Variants in TMEM14A observed in about 807,000 individuals in gnomAD.
The protein encoded by TMEM14A is transmembrane protein 14A.
In TMEM14A, 8 loss-of-function variants were observed where a neutral mutation model predicts 11.6. The ratio of observed to expected loss-of-function variants is 0.69; its 90% CI spans 0.40 to 1.24. The LOEUF is 1.24. TMEM14A is among the 50% of genes most tolerant of loss of function. The probability of loss-of-function intolerance (pLI) is 0.01; values close to 1 mark genes in which losing one functional copy is unlikely to be tolerated. For missense variants in TMEM14A, 108 were observed against 121.9 expected (o/e 0.89, Z 0.54); for synonymous variants, 34 against 45.5 (o/e 0.75, Z 1.02).
intron 1 of TMEM14A, among the ~76,000 whole-genome samples, chr6:52,676,120 A>G (rs1769253263): frequency 6.6e-6 from 1 of 152,182 alleles, no homozygotes; most frequent in African/African-American, 2.4e-5. Flanking sequence ...GGTAAGTGGA[A>G]AGAATTGAAC....
chr6:52,674,535 A>T (rs1769219297), intron 1 of TMEM14A, among the ~76,000 whole-genome samples: 1 of 152,208 alleles, frequency 6.6e-6, no homozygotes, highest in Non-Finnish European at 1.5e-5. Flanking sequence ...TGTGGTCATG[A>T]TTACATGAGT....
chr6:52,680,878 G>A, intron 2 of TMEM14A, among the ~76,000 whole-genome samples: 1 of 149,648 alleles, frequency 6.7e-6, no homozygotes. Flanking sequence ...TGTGTGTTGT[G>A]TGTGTGTGTT....
chr6:52,685,273 G>C (rs534183021), intron 4 of TMEM14A, among the ~76,000 whole-genome samples: 1 of 152,276 alleles, frequency 6.6e-6, no homozygotes, highest in Admixed American at 6.5e-5. Flanking sequence ...TTCTAAAAGT[G>C]ATACTTGGTG....
Position 52,686,013 on chromosome 6 carries a change from C to T in TMEM14A, c.264C>T (p.Leu88=). Residue 88 remains leucine (L), a synonymous_variant, in exon 5 of 5, where the codon CTC becomes CTT. Coordinates refer to ENST00000211314, the MANE Select transcript of TMEM14A (RefSeq NM_014051.4). ...CTTTGTTTTATTTTAAATCCAGCCTCATGATGATCCTGAGACTTGTCTTGT... is the reference window on the plus strand; with the variant it reads ...CTTTGTTTTATTTTAAATCCAGCCTTATGATGATCCTGAGACTTGTCTTGT... The part of the protein sequence containing the change: ...MPAGLVAGLS[L]MMILRLVLLL... 6.2e-7 allele frequency: 1 copy of T among 1,610,826 alleles called. No individual in the cohort carries two copies. Among genetic ancestry groups the T allele is most frequent in the Non-Finnish European group, 8.5e-7 (1 of 1,178,712 alleles).
intron 4 of TMEM14A, among the ~76,000 whole-genome samples, chr6:52,685,410 A>G (rs1409321973): frequency 1.3e-5 from 2 of 152,104 alleles, no homozygotes; most frequent in Non-Finnish European, 2.9e-5. Flanking sequence ...CCTAGCCAAC[A>G]TGGCAAAACC....
intron 4 of TMEM14A, 88 bp from the exon 5 acceptor site, chr6:52,685,922 A>G (rs1581747533): frequency 1.6e-6 from 2 of 1,254,388 alleles, no homozygotes; most frequent in East Asian, 2.5e-5. Context: ...GATTAGTAAC[A>G]CTACTGGGTA....
At chr6:52,678,617 A>C (rs1168178065) in intron 2 of TMEM14A, among the ~76,000 whole-genome samples, 2 of 152,152 alleles carry the variant, frequency 1.3e-5, no homozygotes, top group Non-Finnish European at 2.9e-5. Flanking sequence ...CCACAGAATC[A>C]AGCATTCCTG....
intron 3 of TMEM14A, among the ~76,000 whole-genome samples, chr6:52,682,383 T>G (rs1769406512): frequency 6.6e-6 from 1 of 152,144 alleles, no homozygotes; most frequent in African/African-American, 2.4e-5. Context: ...TGGGAGAATA[T>G]CCACAGAAAA....
At chr6:52,680,691 G>GTGTGTATATATATATA (rs758417981) in intron 2 of TMEM14A, among the ~76,000 whole-genome samples, 3 of 35,312 alleles carry the variant, frequency 8.5e-5, no homozygotes, top group Non-Finnish European at 1.4e-4. Flanking sequence ...ATACATATAT[G>GTGTGTATATATATATA]TATATATATA....
rs370142569 is a variant in TMEM14A at position 52,677,114 on chromosome 6, C to T, written c.12C>T (p.Ile4=). 2.2e-5 allele frequency: 35 copies of T among 1,614,006 alleles called. No homozygotes were observed. The highest frequency in any genetic ancestry group is 1.5e-4 in the South Asian group (14 of 91,080). Residue 4 remains isoleucine, a synonymous_variant, in exon 2 of 5, where the codon ATC becomes ATT. Coordinates refer to ENST00000211314, the MANE Select transcript of TMEM14A (RefSeq NM_014051.4). MDL[I]GFGYAALVTF... The stretch of plus-strand genomic sequence containing the variant: ...TTGCAACCTTGCCAATGGACCTGAT[C>T]GGTTTTGGTTATGCAGCCCTCGTGA...
chr6:52,680,702 T>TATACATATATATATATATATAC (rs1769370400), intron 2 of TMEM14A, among the ~76,000 whole-genome samples: 1 of 37,042 alleles, frequency 2.7e-5, no homozygotes, highest in African/African-American at 6.4e-5. Context: ...TATATATATA[T>TATACATATATATATATATATAC]ATACACATAT....
intron 1 of TMEM14A, among the ~76,000 whole-genome samples, chr6:52,671,536 C>CA (rs1353517805): frequency 6.6e-6 from 1 of 152,110 alleles, no homozygotes; most frequent in African/African-American, 2.4e-5. Flanking sequence ...TGGACCATTG[C>CA]AAAATGCTTG....
intron 4 of TMEM14A, among the ~76,000 whole-genome samples, chr6:52,684,887 A>G (rs1294257918): frequency 6.6e-6 from 1 of 152,248 alleles, no homozygotes; most frequent in Non-Finnish European, 1.5e-5. Context: ...AAAAATTAGG[A>G]ACAACCTAAC....
Position 52,683,931 on chromosome 6 carries a change from A to C in TMEM14A, c.173-147A>C, listed in dbSNP as rs1395814852. 5 of 738,282 alleles carry C rather than the reference A, an allele frequency of 6.8e-6. No homozygotes were observed. The African/African-American group carries it at 9.0e-5, about 13-fold the overall frequency. 45.7% of individuals were successfully genotyped at this position (738,282 alleles called of 1,614,324 possible). On this transcript the variant is annotated intron_variant, in intron 3 of 4. Transcript: ENST00000211314. ...GCCCGGCCATGAAGTGTTTTAATAG[A>C]GCACTTTATCTTTTCAAGACAATGG...
chr6:52,684,235 T>C, intron 4 of TMEM14A, 70 bp downstream of exon 4: 2 of 1,381,404 alleles, frequency 1.4e-6, no homozygotes, highest in South Asian at 1.3e-5. Context: ...TTGGGAAACA[T>C]CAATTTTAAT....
chr6:52,683,074 C>G (rs1769421443), intron 3 of TMEM14A, among the ~76,000 whole-genome samples: 1 of 152,126 alleles, frequency 6.6e-6, no homozygotes, highest in Admixed American at 6.5e-5. Flanking sequence ...CCTGTGGGTC[C>G]AAGTGTGCTA....
chr6:52,672,478 TG>T (rs1176831243), intron 1 of TMEM14A, among the ~76,000 whole-genome samples: 2 of 149,940 alleles, frequency 1.3e-5, no homozygotes, highest in African/African-American at 5.1e-5. Context: ...TTCCGGACTG[TG>T]TGTTGGGCGT....
intron 1 of TMEM14A, among the ~76,000 whole-genome samples, chr6:52,672,905 T>G (rs915369030): frequency 6.6e-6 from 1 of 152,208 alleles, no homozygotes; most frequent in Admixed American, 6.5e-5. Context: ...AATCTGATTG[T>G]GAGGCTCCCT....
Position 52,677,007 on chromosome 6 carries a change from A to G in TMEM14A, c.-16-80A>G, listed in dbSNP as rs548415106. ...GGGTGGGGACACACAGCCAAACCAT[A>G]TAAGCGTATCATTTTTAGATACATT... On this transcript the variant is annotated intron_variant, in intron 1 of 4. Transcript: ENST00000211314. 6.1e-6 allele frequency: 8 copies of G among 1,321,380 alleles called. No homozygotes were observed. In the South Asian group the frequency reaches 7.2e-5, roughly 12 times the overall value. 81.9% of individuals were successfully genotyped at this position (1,321,380 alleles called of 1,614,324 possible).
Sources: allele counts gnomAD v4.1 joint callset (sites outside exome capture counted in the v4.1 genomes callset), GRCh38; gene constraint gnomAD v4.1.1; transcripts MANE v1.5; gene names NCBI Gene and HGNC (gene_info 2026-07-23, HGNC 2026-07-21).